SYVN1: variants seen among roughly 807,000 people sequenced by gnomAD.
The protein encoded by SYVN1 is E3 ubiquitin-protein ligase synoviolin.
A neutral mutation model predicts 62.6 loss-of-function variants in SYVN1; 17 were observed. The observed-to-expected ratio is 0.27, with a 90% CI of 0.19 to 0.41. The LOEUF (loss-of-function observed/expected upper bound fraction) is 0.41, where lower values mean the gene tolerates loss of function less well. SYVN1 is among the 10% of genes least tolerant of loss of function. SYVN1 has a pLI of 1.00. For synonymous variants in SYVN1, 316 were observed against 304.0 expected (o/e 1.04, Z -0.41); for missense variants, 634 against 818.0 (o/e 0.78, Z 2.74).
chr11:65,130,432 TC>T, intron 11 of SYVN1, 53 bp from the exon 12 acceptor site: 3 of 1,492,290 alleles, frequency 2.0e-6, no homozygotes, highest in Middle Eastern at 1.8e-4. Flanking sequence ...CAGACCCAAC[TC>T]CCAGGCAGGG....
Position 65,132,302 on chromosome 11 carries a change from G to A in SYVN1, c.477C>T (p.Ala159=), listed in dbSNP as rs368937798. ...GILDFLFVSH[A]YHSILTRGAS... is the part of the protein sequence containing the mutation. ...CCCCACGGGTCAGGATGCTGTGATA[G>A]GCGTGGCTGACGAAGAGGAAGTCCA... The change falls in exon 6 of 16, where the codon GCC becomes GCT. Residue 159 remains alanine, a synonymous_variant. Transcript: ENST00000377190. 2.7e-4 allele frequency: 442 copies of A among 1,614,168 alleles called. 7 individuals are homozygous for A. The South Asian group carries it at 4.5e-3, about 17-fold the overall frequency.
In SYVN1 at chr11:65,130,642, A is replaced by T. The variant is rs1015915133; in HGVS notation, c.1105+18T>A. On this transcript the variant is annotated intron_variant, in intron 11 of 15. Coordinates refer to ENST00000377190, the MANE Select transcript of SYVN1 (RefSeq NM_172230.3). ...GTATCCAGTGGTATGCCGGGTGGCC[A>T]GACAAGGGGATACTCACAGTTGGGG... 7.6e-7 allele frequency: 1 copy of T among 1,307,222 alleles called. No homozygotes were observed. The highest frequency in any genetic ancestry group is 9.9e-7 in the Non-Finnish European group (1 of 1,008,538). The allele number at this position is 1,307,222 out of a possible 1,614,324, so 81.0% of individuals were successfully genotyped here.
In SYVN1 at chr11:65,131,148, G is replaced by A. The variant is rs756501811; in HGVS notation, c.808C>T (p.Arg270Cys). 9 of 1,614,150 alleles carry A rather than the reference G, an allele frequency of 5.6e-6. No individual in the cohort carries two copies. The highest frequency in any genetic ancestry group is 1.1e-5 in the South Asian group (1 of 91,078). ...TDAIMSRRAI[R>C]NMNTLYPDAT... ...CCTACTTACAGGGTGTTCATGTTGC[G>A]GATGGCTCGGCGAGACATGATGGCA... Residue 270 changes from arginine to cysteine, a missense_variant, in exon 9 of 16, where the codon CGC (arginine) becomes TGC (cysteine). Around this residue, in one of 2 missense-constraint regions of SYVN1, gnomAD observed 283 missense variants for 444.7 expected, o/e 0.64. Transcript: ENST00000377190.
chr11:65,132,513 A>AG (rs1035779021), intron 5 of SYVN1, 162 bp from the exon 6 acceptor site: 2 of 749,396 alleles, frequency 2.7e-6, no homozygotes, highest in African/African-American at 3.5e-5. Context: ...TTCCTGGGGG[A>AG]GGGGGAGTTG....
In SYVN1 at chr11:65,131,580, G is replaced by A. The variant is rs1204558489; in HGVS notation, c.548C>T (p.Thr183Met). Residue 183 changes from threonine (T) to methionine (M), a missense_variant, in exon 7 of 16, where the codon ACG (threonine) becomes ATG (methionine). By Grantham distance (81) the Thr-to-Met change is moderately conservative. Around this residue, in one of 2 missense-constraint regions of SYVN1, gnomAD observed 283 missense variants for 444.7 expected, o/e 0.64. Coordinates refer to ENST00000377190, the MANE Select transcript of SYVN1 (RefSeq NM_172230.3). ...CTTGATGAAGATGGTGAGCACCATC[G>A]TCATCAGGATGGCATACTGAAGGGA... is the stretch of plus-strand genomic sequence containing the variant. Reference protein sequence around the residue: ...VFGFEYAILMTMVLTIFIKYV... With the variant: ...VFGFEYAILMMMVLTIFIKYV... The A allele has an allele frequency of 8.1e-6, 13 of 1,613,614 alleles. No individual in the cohort carries two copies. Among genetic ancestry groups the A allele is most frequent in the South Asian group, 5.5e-5 (5 of 91,066 alleles).
intron 14 of SYVN1, chr11:65,129,528 C>CT: frequency 1.8e-6 from 1 of 566,196 alleles, no homozygotes; most frequent in South Asian, 2.4e-5. Flanking sequence ...AACATCACTC[C>CT]TACTTAGATC....
At chr11:65,133,388 T>G (rs1590828991) in intron 2 of SYVN1, 82 bp downstream of exon 2, 6 of 1,590,254 alleles carry the variant, frequency 3.8e-6, no homozygotes, top group Non-Finnish European at 5.2e-6. Context: ...CCTACTTACC[T>G]GACCTCTAGC....
intron 14 of SYVN1, chr11:65,129,051 C>T (rs1475241374): frequency 7.6e-6 from 2 of 262,704 alleles, no homozygotes; most frequent in Non-Finnish European, 7.3e-6. Context: ...AAGTTCCTCT[C>T]CAAGCCTGTG....
Position 65,130,300 on chromosome 11 carries a change from C to G in SYVN1, c.1185G>C (p.Pro395=). Residue 395 remains proline (P), a synonymous_variant, in exon 12 of 16, where the codon CCG becomes CCC. Coordinates refer to ENST00000377190, the MANE Select transcript of SYVN1 (RefSeq NM_172230.3). ...WPPMGPFPPV[P]PPPSSGEAVA... The stretch of plus-strand genomic sequence containing the variant: ...CAGCCTCTCCTGAGCTGGGGGGAGG[C>G]GGGACAGGTGGAAAGGGGCCCATGG... 2 of 1,592,340 alleles carry G rather than the reference C, an allele frequency of 1.3e-6. No homozygotes were observed. The highest frequency in any genetic ancestry group is 1.1e-5 in the South Asian group (1 of 88,294).
In SYVN1 at chr11:65,127,600, A is replaced by C. The variant is rs992428606; in HGVS notation, c.*782T>G. On this transcript the variant is annotated 3_prime_UTR_variant, in exon 16 of 16. Transcript: ENST00000377190. ...AATTCTAAACTTCAGAAGTTCTGCC[A>C]GTTGAGAAGTGGCCTTCCTTGGGCG... 6.5e-6 allele frequency: 1 copy of C among 152,930 alleles called. No individual in the cohort carries two copies. The highest frequency in any genetic ancestry group is 1.5e-5 in the Non-Finnish European group (1 of 68,576). The allele number at this position is 152,930 out of a possible 1,614,324, so 9.5% of individuals were successfully genotyped here.
chr11:65,128,051 G>A lies in SYVN1; in HGVS notation c.*331C>T, dbSNP rs1052210402. 1 of 465,452 alleles carries A rather than the reference G, an allele frequency of 2.1e-6. No homozygotes were observed. The highest frequency in any genetic ancestry group is 2.0e-5 in the African/African-American group (1 of 50,730). 28.8% of individuals were successfully genotyped at this position (465,452 alleles called of 1,614,324 possible). On this transcript the variant is annotated 3_prime_UTR_variant, in exon 16 of 16. Transcript: ENST00000377190. ...ACTCCGCACATACAAGTAGGGCTTG[G>A]AGGGGCAGCCCCTTCTCCTGGAAAG...
chr11:65,132,320 G>C lies in SYVN1; in HGVS notation c.459C>G (p.Phe153Leu). Reference protein sequence around the residue: ...SLMFLLGILDFLFVSHAYHSI... With the variant: ...SLMFLLGILDLLFVSHAYHSI... ...TGTGATAGGCGTGGCTGACGAAGAG[G>C]AAGTCCAGGATGCCCAGGAGGAACA... Residue 153 changes from phenylalanine (F) to leucine (L), a missense_variant, in exon 6 of 16, where the codon TTC (phenylalanine) becomes TTG (leucine). Physicochemically the swap from Phe to Leu is conservative, Grantham distance 22. Transcript: ENST00000377190. 6.2e-7 allele frequency: 1 copy of C among 1,614,116 alleles called. No individual in the cohort carries two copies. The highest frequency in any genetic ancestry group is 1.1e-5 in the South Asian group (1 of 91,086).
At position 65,132,995 on chromosome 11, in the gene SYVN1, C is replaced by T. The variant is rs764349163; in HGVS notation, c.305G>A (p.Arg102His). ...AAGAAGAGTGAAGAGTGCAACAAAGCGGGGGCTGAAGTCATCCCGAAAAAC... is the reference window on the plus strand; with the variant it reads ...AAGAAGAGTGAAGAGTGCAACAAAGTGGGGGCTGAAGTCATCCCGAAAAAC... ...FTVFRDDFSPRFVALFTLLLF... is the reference protein window; with the variant it reads ...FTVFRDDFSPHFVALFTLLLF... Residue 102 changes from arginine to histidine, a missense_variant, in exon 4 of 16, where the codon CGC becomes CAC. Arg to His is a conservative substitution (Grantham distance 29). Transcript: ENST00000377190. 9.9e-6 allele frequency: 16 copies of T among 1,614,032 alleles called. No homozygotes were observed. Among genetic ancestry groups the T allele is most frequent in the South Asian group, 3.3e-5 (3 of 91,084 alleles).
In SYVN1 at chr11:65,130,318, G is replaced by A. The variant is rs1948161131; in HGVS notation, c.1167C>T (p.Gly389=). ...PGMFPLWPPM[G]PFPPVPPPPS... ...GGGGAGGCGGGACAGGTGGAAAGGG[G>A]CCCATGGGGGGCCACAGTGGGAACA... Residue 389 remains glycine (G), a synonymous_variant, in exon 12 of 16, where the codon GGC becomes GGT. Coordinates refer to ENST00000377190, the MANE Select transcript of SYVN1 (RefSeq NM_172230.3). 9 of 1,581,218 alleles carry A rather than the reference G, an allele frequency of 5.7e-6. No homozygotes were observed. Among genetic ancestry groups the A allele is most frequent in the African/African-American group, 1.4e-5 (1 of 73,912 alleles).
At chr11:65,131,080 C>G (rs748315936) in intron 9 of SYVN1, 44 bp from the exon 10 acceptor site, 5 of 1,613,556 alleles carry the variant, frequency 3.1e-6, no homozygotes, top group Non-Finnish European at 1.7e-6. Context: ...GAGCTGGAAG[C>G]AGAGGGACCC....
rs760931003 is a variant in SYVN1 at position 65,132,233 on chromosome 11, C to T, written c.531+15G>A. 1.2e-6 allele frequency: 2 copies of T among 1,605,580 alleles called. No individual in the cohort carries two copies. Among genetic ancestry groups the T allele is most frequent in the East Asian group, 2.2e-5 (1 of 44,828 alleles). Reference sequence around the variant, plus strand: ...ACCTCGGGCTTGTCCTCTCAACCTCCCAAGCCAGTTTTACCTCAAAGCCAA... The same window carrying T: ...ACCTCGGGCTTGTCCTCTCAACCTCTCAAGCCAGTTTTACCTCAAAGCCAA... On this transcript the variant is annotated intron_variant, in intron 6 of 15. Transcript: ENST00000377190.
intron 2 of SYVN1, 25 bp downstream of exon 2, chr11:65,133,445 C>T: frequency 6.2e-7 from 1 of 1,610,614 alleles, no homozygotes; most frequent in Non-Finnish European, 8.5e-7. Context: ...CAGGGAGTTC[C>T]TCCCTCCCTG....
In SYVN1 at chr11:65,128,461, A is replaced by G. The variant is rs753919388; in HGVS notation, c.1775T>C (p.Met592Thr). ...PAPESVGTEE[M>T]PEDGEPDAAE... ...TGCATCGGGCTCTCCATCCTCAGGC[A>G]TCTCCTCTGTGCCCACTGACTCAGG... The change falls in exon 16 of 16, where the codon ATG becomes ACG. Residue 592 changes from methionine (M) to threonine (T), a missense_variant. By Grantham distance (81) the Met-to-Thr change is moderately conservative. Coordinates refer to ENST00000377190, the MANE Select transcript of SYVN1 (RefSeq NM_172230.3). The G allele has an allele frequency of 2.5e-6, 4 of 1,614,040 alleles. No individual in the cohort carries two copies. The highest frequency in any genetic ancestry group is 2.7e-5 in the African/African-American group (2 of 74,920).
At chr11:65,132,882 C>T in intron 4 of SYVN1, 40 bp downstream of exon 4, 1 of 1,613,714 alleles carries the variant, frequency 6.2e-7, no homozygotes, top group Non-Finnish European at 8.5e-7. Context: ...TGGCTACTCC[C>T]TGGCTTCCAC....
Sources: allele counts gnomAD v4.1 joint callset, GRCh38; gene constraint gnomAD v4.1.1; regional missense constraint gnomAD v4.1.1; transcripts MANE v1.5; gene names NCBI Gene and HGNC (gene_info 2026-07-23, HGNC 2026-07-21).